The following SLFN12 variants were observed in gnomAD, a reference collection of about 807,000 sequenced individuals.
SLFN12 encodes the protein ribonuclease SLFN12.
A neutral mutation model predicts 29.1 loss-of-function variants in SLFN12; 25 were observed. The observed-to-expected ratio is 0.86, with a 90% CI of 0.63 to 1.20. SLFN12 has a LOEUF of 1.20. Ranked by LOEUF, SLFN12 falls within the 50% of genes most tolerant of loss-of-function variation. The pLI is 0.00. For synonymous variants in SLFN12, 257 were observed against 238.7 expected (o/e 1.08, Z -0.71); for missense variants, 660 against 666.2 (o/e 0.99, Z 0.10).
chr17:35,413,390 C>A (rs1911140653), intron 3 of SLFN12, among the ~76,000 whole-genome samples: 1 of 152,044 alleles, frequency 6.6e-6, no homozygotes, highest in Non-Finnish European at 1.5e-5. Context: ...GCCAATATCA[C>A]TGTTGAAACT....
At chr17:35,415,025 T>C (rs550416379) in intron 3 of SLFN12, among the ~76,000 whole-genome samples, 1 of 152,140 alleles carries the variant, frequency 6.6e-6, no homozygotes, top group South Asian at 2.1e-4. Context: ...CTAAAATTTA[T>C]ATGGCACCAA....
At chr17:35,427,020 C>T (rs1227165733) in intron 1 of SLFN12, among the ~76,000 whole-genome samples, 1 of 152,112 alleles carries the variant, frequency 6.6e-6, no homozygotes, top group Non-Finnish European at 1.5e-5. Context: ...CACTTCTCCT[C>T]ACCTGAGATC....
In SLFN12 at chr17:35,422,353, C is replaced by A; in HGVS notation, c.676G>T (p.Val226Phe). ...CCATCAGTATTTGCAAATGCAGAAA[C>A]ATATTGAGGGAGAATCTCTTTAATT... ...QRIKEILPQY[V>F]SAFANTDGGY... Residue 226 changes from valine (V) to phenylalanine (F), a missense_variant, in exon 2 of 4, where the codon GTT becomes TTT. Transcript: ENST00000304905. 1 of 1,613,910 alleles carries A rather than the reference C, an allele frequency of 6.2e-7. No homozygotes were observed. Among genetic ancestry groups the A allele is most frequent in the South Asian group, 1.1e-5 (1 of 91,008 alleles).
rs1157573840 is a variant in SLFN12, at chr17:35,421,993, G to T, written c.1036C>A (p.Pro346Thr). 1.2e-6 allele frequency: 2 copies of T among 1,612,650 alleles called. No homozygotes were observed. Among genetic ancestry groups the T allele is most frequent in the Admixed American group, 3.3e-5 (2 of 59,968 alleles). ...EWIQFMVEAE[P>T]KFSSSYEEVI... ...TTGCGAATCCCCCGCTCTCAACTTG[G>T]TTCAGCCTCCACCATGAACTGGATC... is the stretch of plus-strand genomic sequence containing the variant. The change falls in exon 2 of 4, where the codon CCA becomes ACA. Residue 346 changes from proline (P) to threonine (T), a missense_variant. Transcript: ENST00000304905.
intron 3 of SLFN12, among the ~76,000 whole-genome samples, chr17:35,416,461 C>T (rs1394501834): frequency 6.6e-6 from 1 of 152,058 alleles, no homozygotes; most frequent in Non-Finnish European, 1.5e-5. Context: ...AGAACTTATT[C>T]ATGTAACCAT....
chr17:35,417,211 C>A (rs1401038086), intron 3 of SLFN12, among the ~76,000 whole-genome samples: 1 of 151,864 alleles, frequency 6.6e-6, no homozygotes, highest in Non-Finnish European at 1.5e-5. Flanking sequence ...ACTGCAAGAC[C>A]GAACTGAGTT....
At chr17:35,419,347 A>T (rs1456194011) in intron 3 of SLFN12, among the ~76,000 whole-genome samples, 2 of 152,100 alleles carry the variant, frequency 1.3e-5, no homozygotes, top group Admixed American at 1.3e-4. Context: ...GCTTGGAGAA[A>T]ACATTTGGTA....
chr17:35,430,221 C>G (rs567044160), intron 1 of SLFN12, among the ~76,000 whole-genome samples: 1 of 151,996 alleles, frequency 6.6e-6, no homozygotes, highest in African/African-American at 2.4e-5. Flanking sequence ...GGAGGGTGTC[C>G]TGCTCACTGA....
chr17:35,429,961 C>T (rs1912213612), intron 1 of SLFN12, among the ~76,000 whole-genome samples: 1 of 152,008 alleles, frequency 6.6e-6, no homozygotes, highest in Non-Finnish European at 1.5e-5. Flanking sequence ...CCCACCAAGC[C>T]TGGCCTGACC....
Position 35,411,250 on chromosome 17 carries a change from A to G in SLFN12, c.*88T>C. On this transcript the variant is annotated 3_prime_UTR_variant, in exon 4 of 4. Coordinates refer to ENST00000304905, the MANE Select transcript of SLFN12 (RefSeq NM_018042.5). ...CATCACATTAAGTTGCTTAACTTGCAAAGTTTTCAAAGAAATATTTTCACA... is the reference window on the plus strand; with the variant it reads ...CATCACATTAAGTTGCTTAACTTGCGAAGTTTTCAAAGAAATATTTTCACA... 1 of 1,070,370 alleles carries G rather than the reference A, an allele frequency of 9.3e-7. No homozygotes were observed. Among genetic ancestry groups the G allele is most frequent in the Non-Finnish European group, 1.3e-6 (1 of 757,210 alleles). The allele number at this position is 1,070,370 out of a possible 1,614,324, so 66.3% of individuals were successfully genotyped here.
chr17:35,432,113 A>AAG (rs1912353813), intron 1 of SLFN12, 75 bp downstream of exon 1: 1 of 152,214 alleles, frequency 6.6e-6, no homozygotes, highest in Non-Finnish European at 1.5e-5. Flanking sequence ...GGAAAAGAGA[A>AAG]AGAGAGAGAT....
Position 35,425,061 on chromosome 17 carries a change from G to A in SLFN12, c.-40-1993C>T, listed in dbSNP as rs1054007724. 2.6e-5 allele frequency among the ~76,000 whole-genome samples: 4 copies of A among 152,002 alleles called. No individual in the cohort carries two copies. The East Asian group carries it at 5.8e-4, about 22-fold the overall frequency. On this transcript the variant is annotated intron_variant, in intron 1 of 3. Coordinates refer to ENST00000304905, the MANE Select transcript of SLFN12 (RefSeq NM_018042.5). ...CAAGCAGTTTGGGAGACTGAAGTGG[G>A]AGGATCACTTGAAGCCAAGAGTTCA...
At chr17:35,414,442 G>C (rs899196044) in intron 3 of SLFN12, among the ~76,000 whole-genome samples, 3 of 152,010 alleles carry the variant, frequency 2.0e-5, no homozygotes, top group Admixed American at 2.0e-4. Context: ...ATAAAATGCT[G>C]ATGAAGGAAA....
rs896809841 is a variant in SLFN12, at chr17:35,411,619, C to T, written c.1456G>A (p.Gly486Ser). 6.2e-7 allele frequency: 1 copy of T among 1,614,020 alleles called. No individual in the cohort carries two copies. Among genetic ancestry groups the T allele is most frequent in the African/African-American group, 1.3e-5 (1 of 75,022 alleles). Residue 486 changes from glycine (G) to serine (S), a missense_variant, in exon 4 of 4, where the codon GGT becomes AGT. Transcript: ENST00000304905. ...TLKQKLAKIG[G>S]YTKKVCVMTK... ...ATGACACACACTTTTTTAGTGTAAC[C>T]ACCAATTTTTGCCAGCTTCTGCTTT...
chr17:35,431,764 G>A (rs117096668), intron 1 of SLFN12: 2 of 152,122 alleles, frequency 1.3e-5, no homozygotes, highest in Non-Finnish European at 2.9e-5. Context: ...CATTCCACTA[G>A]AGTGATAGTC....
Position 35,422,524 on chromosome 17 carries a change from C to CCA in SLFN12, c.504_505insTG (p.Val169TrpfsTer10). Reference sequence around the variant, plus strand: ...ATGTTATTTTCTTCTTGTATATCAACACAGGGCCTCTTTGCCAGCAATTCT... The same window carrying CCA: ...ATGTTATTTTCTTCTTGTATATCAACCAACAGGGCCTCTTTGCCAGCAATTCT... On this transcript the variant is annotated frameshift_variant, in exon 2 of 4. Coordinates refer to ENST00000304905, the MANE Select transcript of SLFN12 (RefSeq NM_018042.5). LOFTEE classifies it high-confidence loss of function. The CCA allele has an allele frequency of 6.2e-7, 1 of 1,614,060 alleles. No homozygotes were observed. Among genetic ancestry groups the CCA allele is most frequent in the Non-Finnish European group, 8.5e-7 (1 of 1,180,010 alleles).
intron 3 of SLFN12, among the ~76,000 whole-genome samples, chr17:35,415,599 G>A (rs1911267704): frequency 6.6e-6 from 1 of 152,010 alleles, no homozygotes; most frequent in African/African-American, 2.4e-5. Context: ...GAAAATATTT[G>A]CAACCTATGC....
intron 3 of SLFN12, among the ~76,000 whole-genome samples, chr17:35,419,352 T>C (rs534347532): frequency 2.4e-4 from 36 of 152,170 alleles, no homozygotes; most frequent in Admixed American, 8.5e-4. Flanking sequence ...GAGAAAACAT[T>C]TGGTAGTCGT....
rs868256252 is a variant in SLFN12, at chr17:35,423,015, A to G, written c.14T>C (p.Val5Ala). MNIS[V>A]DLETNYAELV... ...CTCGGCATAATTCGTTTCCAAATCA[A>G]CACTGATGTTCATTTTCCCAGCAGC... The change falls in exon 2 of 4, where the codon GTT becomes GCT. Residue 5 changes from valine to alanine, a missense_variant. Transcript: ENST00000304905. 1 of 1,610,104 alleles carries G rather than the reference A, an allele frequency of 6.2e-7. No homozygotes were observed. Among genetic ancestry groups the G allele is most frequent in the African/African-American group, 1.3e-5 (1 of 74,946 alleles).
Sources: allele counts gnomAD v4.1 joint callset (sites outside exome capture counted in the v4.1 genomes callset), GRCh38; gene constraint gnomAD v4.1.1; transcripts MANE v1.5; gene names NCBI Gene and HGNC (gene_info 2026-07-23, HGNC 2026-07-21).